The following SNCAIP variants were observed in gnomAD, a reference collection of about 807,000 sequenced individuals.
SNCAIP encodes the protein synphilin-1.
In SNCAIP, 43 loss-of-function variants were observed where a neutral mutation model predicts 86.7. That is an observed-to-expected ratio of 0.50 (90% CI 0.39 to 0.64). The LOEUF (loss-of-function observed/expected upper bound fraction) is 0.64, where lower values mean the gene tolerates loss of function less well. Among genes scored for constraint, SNCAIP ranks in the 30% least tolerant of loss-of-function variants. SNCAIP has a pLI of 0.00. For missense variants in SNCAIP, 981 were observed against 1,103.1 expected (o/e 0.89, Z 1.57); for synonymous variants, 417 against 427.2 (o/e 0.98, Z 0.29).
In SNCAIP at chr5:122,410,701, T is replaced by C. The variant is rs575795340; in HGVS notation, c.130+6836T>C. 2.5e-4 allele frequency among the ~76,000 whole-genome samples: 38 copies of C among 152,230 alleles called. No individual in the cohort carries two copies. In the South Asian group the frequency reaches 7.5e-3, roughly 30 times the overall value. On this transcript the variant is annotated intron_variant, in intron 3 of 10. Coordinates refer to ENST00000261368, the MANE Select transcript of SNCAIP (RefSeq NM_005460.4). ...GGCTGGTGGTAGTGGCACACCTCTG[T>C]AATCCCCGGTACTCAGGAGGCTGAG...
intron 1 of SNCAIP, among the ~76,000 whole-genome samples, chr5:122,313,977 C>G (rs1009998759): frequency 8.5e-5 from 13 of 152,284 alleles, no homozygotes; most frequent in Non-Finnish European, 1.8e-4. Flanking sequence ...TTCTCCGTAG[C>G]AAGCATTTCA....
At chr5:122,347,149 A>C (rs1186813304) in intron 1 of SNCAIP, among the ~76,000 whole-genome samples, 1 of 152,146 alleles carries the variant, frequency 6.6e-6, no homozygotes, top group African/African-American at 2.4e-5. Flanking sequence ...GCTTCAGTAG[A>C]ACCTTCAAGA....
chr5:122,437,385 C>G (rs750303178), intron 6 of SNCAIP: 6 of 152,128 alleles, frequency 3.9e-5, no homozygotes, highest in Non-Finnish European at 7.4e-5. Flanking sequence ...GAGACTCTAG[C>G]CATCTCCATG....
intron 3 of SNCAIP, among the ~76,000 whole-genome samples, chr5:122,419,946 T>C (rs191702075): frequency 6.6e-6 from 1 of 152,324 alleles, no homozygotes; most frequent in East Asian, 1.9e-4. Context: ...AATAAAGGAA[T>C]TGAATTTTGT....
At chr5:122,408,414 G>C (rs1023053672) in intron 3 of SNCAIP, among the ~76,000 whole-genome samples, 2 of 152,124 alleles carry the variant, frequency 1.3e-5, no homozygotes, top group Admixed American at 1.3e-4. Context: ...TGCGGCTTTA[G>C]TGGTGGGCTC....
chr5:122,439,661 A>C (rs1780361120), intron 6 of SNCAIP, among the ~76,000 whole-genome samples: 1 of 152,242 alleles, frequency 6.6e-6, no homozygotes, highest in Admixed American at 6.5e-5. Context: ...AACTGGAAAA[A>C]AAAATCCTTT....
intron 7 of SNCAIP, among the ~76,000 whole-genome samples, chr5:122,441,845 G>T (rs1369244579): frequency 6.6e-6 from 1 of 152,178 alleles, no homozygotes; most frequent in African/African-American, 2.4e-5. Context: ...CAAAGTCAAA[G>T]TTTAGACTTG....
In SNCAIP at chr5:122,403,870, G is replaced by C. The variant is rs767809891; in HGVS notation, c.130+5G>C. 20 of 1,611,272 alleles carry C rather than the reference G, an allele frequency of 1.2e-5. No individual in the cohort carries two copies. The highest frequency in any genetic ancestry group is 1.7e-5 in the Non-Finnish European group (20 of 1,177,588). On this transcript the variant is annotated splice_donor_5th_base_variant and intron_variant, in intron 3 of 10. Coordinates refer to ENST00000261368, the MANE Select transcript of SNCAIP (RefSeq NM_005460.4). ...CGCAAAACGAAGACAGATCAGGTAG[G>C]TTTTGCTCCTCCCCTCTTCTCCTTA...
intron 6 of SNCAIP, 126 bp downstream of exon 6, chr5:122,432,208 A>G (rs1347838308): frequency 1.4e-5 from 9 of 663,982 alleles, no homozygotes; most frequent in African/African-American, 1.3e-4. Flanking sequence ...TATATAACCA[A>G]TGATATTTGT....
At chr5:122,435,916 C>T (rs1243838550) in intron 6 of SNCAIP, among the ~76,000 whole-genome samples, 3 of 152,152 alleles carry the variant, frequency 2.0e-5, no homozygotes, top group South Asian at 4.1e-4. Flanking sequence ...TTAGCACACA[C>T]GCATCTGCTC....
At chr5:122,452,532 A>G (rs1366557741) in intron 10 of SNCAIP, among the ~76,000 whole-genome samples, 1 of 152,218 alleles carries the variant, frequency 6.6e-6, no homozygotes, top group Non-Finnish European at 1.5e-5. Context: ...GCAGTACCCA[A>G]ATCAAGTTTT....
chr5:122,435,432 CTTGGGAG>C (rs1410092939), intron 6 of SNCAIP, among the ~76,000 whole-genome samples: 1 of 152,176 alleles, frequency 6.6e-6, no homozygotes, highest in Non-Finnish European at 1.5e-5. Flanking sequence ...CCCTCCACTG[CTTGGGAG>C]CCTCTGCCTG....
At chr5:122,382,087 C>G (rs982039325) in intron 1 of SNCAIP, among the ~76,000 whole-genome samples, 1 of 152,056 alleles carries the variant, frequency 6.6e-6, no homozygotes, top group East Asian at 1.9e-4. Flanking sequence ...GAATGTTGGC[C>G]TTTCTTGCTA....
At chr5:122,421,195 C>T (rs1488464675) in intron 3 of SNCAIP, among the ~76,000 whole-genome samples, 1 of 152,192 alleles carries the variant, frequency 6.6e-6, no homozygotes, top group Admixed American at 6.5e-5. Flanking sequence ...AGCCCTCCTT[C>T]CACAGCTCGT....
At chr5:122,346,107 A>C (rs1044262594) in intron 1 of SNCAIP, among the ~76,000 whole-genome samples, 2 of 152,170 alleles carry the variant, frequency 1.3e-5, no homozygotes, top group Admixed American at 6.6e-5. Flanking sequence ...ACTTTCCAGT[A>C]AGTGCAAAAC....
intron 2 of SNCAIP, among the ~76,000 whole-genome samples, chr5:122,394,130 C>G (rs1433687271): frequency 6.6e-6 from 1 of 151,928 alleles, no homozygotes. Context: ...TCTGACAGCC[C>G]CTAAGCCTCT....
intron 1 of SNCAIP, among the ~76,000 whole-genome samples, chr5:122,353,053 AC>A (rs1760200728): frequency 6.6e-6 from 1 of 152,194 alleles, no homozygotes; most frequent in Non-Finnish European, 1.5e-5. Context: ...CTAGTACCTG[AC>A]CAATTACATT....
intron 1 of SNCAIP, among the ~76,000 whole-genome samples, chr5:122,340,125 C>T (rs1160127204): frequency 2.0e-5 from 3 of 152,026 alleles, no homozygotes; most frequent in East Asian, 1.9e-4. Context: ...TATACAAAAC[C>T]GACTTAGAAT....
At position 122,451,405 on chromosome 5, in the gene SNCAIP, C is replaced by CG; in HGVS notation, c.2563dup (p.Asp855GlyfsTer24). The CG allele has an allele frequency of 1.2e-6, 2 of 1,614,080 alleles. No homozygotes were observed. The highest frequency in any genetic ancestry group is 1.7e-6 in the Non-Finnish European group (2 of 1,179,994). On this transcript the variant is annotated frameshift_variant, in exon 10 of 11. Transcript: ENST00000261368. LOFTEE classifies it high-confidence loss of function. ...CAGCGGACCTCCACAAGTAACGAAT[C>CG]GGGGGATCAACTGAAAAGGCCTTTT...
Sources: gnomAD v4.1 joint callset for allele counts (sites outside exome capture counted in the v4.1 genomes callset) on GRCh38, gnomAD v4.1.1 for gene constraint, MANE v1.5 for transcripts, NCBI Gene and HGNC (gene_info 2026-07-23, HGNC 2026-07-21) for gene names.